INPP5B: variants seen among roughly 807,000 people sequenced by gnomAD.
INPP5B encodes type II inositol 1,4,5-trisphosphate 5-phosphatase.
INPP5B carries 90 observed loss-of-function variants against 118.5 expected under a neutral mutation model. The ratio of observed to expected loss-of-function variants is 0.76; its 90% CI spans 0.64 to 0.90. INPP5B has a LOEUF of 0.90. Among genes scored for constraint, INPP5B ranks in the 40% least tolerant of loss-of-function variants. The pLI is 0.00. For synonymous variants in INPP5B, 385 were observed against 418.9 expected (o/e 0.92, Z 0.99); for missense variants, 984 against 1,125.6 (o/e 0.87, Z 1.80).
intron 6 of INPP5B, among the ~76,000 whole-genome samples, chr1:37,940,323 GGTTCTAGCTGTGA>G (rs1420294620): frequency 6.6e-6 from 1 of 152,166 alleles, no homozygotes; most frequent in African/African-American, 2.4e-5. Context: ...TATGACAGAT[GGTTCTAGCTGTGA>G]GTTCTAGCTG....
intron 8 of INPP5B, among the ~76,000 whole-genome samples, chr1:37,890,172 C>T (rs533495876): frequency 2.0e-5 from 3 of 152,058 alleles, no homozygotes; most frequent in Non-Finnish European, 4.4e-5. Context: ...GCCAGGAGTT[C>T]GAGATCAGCC....
intron 7 of INPP5B, among the ~76,000 whole-genome samples, chr1:37,914,429 T>C (rs1644802198): frequency 6.6e-6 from 1 of 152,126 alleles, no homozygotes; most frequent in Non-Finnish European, 1.5e-5. Flanking sequence ...CCTCTGAGGA[T>C]TGCATGAAAA....
rs754674774 is a variant in INPP5B at position 37,866,400 on chromosome 1, TCTCTCTCA to T, written c.2386+51_2386+58del. 803 of 684,534 alleles carry T rather than the reference TCTCTCTCA, an allele frequency of 1.2e-3. 1 individual carries two copies. Among genetic ancestry groups the T allele is most frequent in the African/African-American group, 6.5e-3 (272 of 41,716 alleles). 42.4% of individuals were successfully genotyped at this position (684,534 alleles called of 1,614,324 possible). A position where few individuals can be genotyped will look rare whatever the true frequency, so the allele number is the denominator to read the frequency against. ...CTCACTCATATTCTCTCTCTCTCTC[TCTCTCTCA>T]CACACACACACACACACACACACAC... On this transcript the variant is annotated intron_variant, in intron 21 of 23. Coordinates refer to ENST00000373024, the MANE Select transcript of INPP5B (RefSeq NM_005540.3).
At chr1:37,941,264 T>C (rs1201640150) in intron 5 of INPP5B, among the ~76,000 whole-genome samples, 1 of 152,096 alleles carries the variant, frequency 6.6e-6, no homozygotes, top group East Asian at 1.9e-4. Flanking sequence ...TCCCTATTCA[T>C]AGCATATACC....
intron 20 of INPP5B, among the ~76,000 whole-genome samples, chr1:37,867,779 C>G (rs955914306): frequency 2.0e-5 from 3 of 152,098 alleles, no homozygotes; most frequent in African/African-American, 7.2e-5. Flanking sequence ...CCTAGTCACT[C>G]TAGAAATCAG....
chr1:37,897,570 T>C (rs867015671), intron 7 of INPP5B, among the ~76,000 whole-genome samples: 1 of 149,926 alleles, frequency 6.7e-6, no homozygotes, highest in Non-Finnish European at 1.5e-5. Context: ...CTCCCTAATC[T>C]CAAGTACCCA....
chr1:37,862,668 T>C (rs1641770172), intron 23 of INPP5B, among the ~76,000 whole-genome samples: 2 of 152,172 alleles, frequency 1.3e-5, no homozygotes, highest in African/African-American at 4.8e-5. Flanking sequence ...CTACAGGCAA[T>C]TGTAACACAG....
intron 5 of INPP5B, among the ~76,000 whole-genome samples, chr1:37,941,455 T>C (rs1164572029): frequency 2.0e-5 from 3 of 150,988 alleles, no homozygotes; most frequent in Non-Finnish European, 4.4e-5. Flanking sequence ...TGAGACCAGC[T>C]TGGAAAACAC....
chr1:37,872,270 T>C (rs1016351488), intron 19 of INPP5B, among the ~76,000 whole-genome samples: 1 of 147,166 alleles, frequency 6.8e-6, no homozygotes, highest in Non-Finnish European at 1.5e-5. Flanking sequence ...CTCAGGAGGC[T>C]GAGGCAGAAG....
chr1:37,872,624 G>A (rs999789874), intron 19 of INPP5B, among the ~76,000 whole-genome samples: 7 of 151,442 alleles, frequency 4.6e-5, no homozygotes, highest in African/African-American at 9.7e-5. Flanking sequence ...ATGTGAGAGA[G>A]GCCATCTGGA....
intron 7 of INPP5B, among the ~76,000 whole-genome samples, chr1:37,899,516 C>T (rs1457183444): frequency 1.3e-5 from 2 of 151,644 alleles, no homozygotes; most frequent in Admixed American, 6.6e-5. Context: ...GAGCCGAGAT[C>T]GCACCATTGC....
chr1:37,908,193 C>T (rs1053757814), intron 7 of INPP5B, among the ~76,000 whole-genome samples: 5 of 152,148 alleles, frequency 3.3e-5, no homozygotes, highest in East Asian at 1.9e-4. Context: ...CACAAGGATG[C>T]GTGTGACATT....
At chr1:37,883,448 G>T (rs1643330768) in intron 13 of INPP5B, 1 of 985,304 alleles carries the variant, frequency 1.0e-6, no homozygotes, top group African/African-American at 1.7e-5. Flanking sequence ...CTGTACTGCA[G>T]AGTGGAGTGT....
chr1:37,922,439 C>T lies in INPP5B; in HGVS notation c.532+9474G>A, dbSNP rs559666746. 4.9e-4 allele frequency among the ~76,000 whole-genome samples: 74 copies of T among 151,468 alleles called. 1 individual carries two copies. The highest frequency in any genetic ancestry group is 2.5e-3 in the Admixed American group (38 of 15,196). On this transcript the variant is annotated intron_variant, in intron 7 of 23. Transcript: ENST00000373024. ...TTCAAAAAATGAAATAAGCCAGGCGCGGTGGCTCACACCTGTAATCCCAGC... is the reference window on the plus strand; with the variant it reads ...TTCAAAAAATGAAATAAGCCAGGCGTGGTGGCTCACACCTGTAATCCCAGC...
intron 9 of INPP5B, 146 bp from the exon 10 acceptor site, chr1:37,888,490 C>T: frequency 2.1e-6 from 1 of 485,152 alleles, no homozygotes; most frequent in East Asian, 3.4e-5. Flanking sequence ...TAGACCAGGA[C>T]TGCAGCACCA....
intron 7 of INPP5B, among the ~76,000 whole-genome samples, chr1:37,897,324 G>A (rs1470971052): frequency 6.7e-6 from 1 of 148,530 alleles, no homozygotes; most frequent in South Asian, 2.2e-4. Flanking sequence ...TTGAGAAATC[G>A]GATGGTTGCC....
chr1:37,886,494 C>T (rs1417039470), intron 12 of INPP5B, among the ~76,000 whole-genome samples: 3 of 152,146 alleles, frequency 2.0e-5, no homozygotes, highest in African/African-American at 7.2e-5. Context: ...CCTTTGAAAA[C>T]ACAAAGCTAA....
intron 7 of INPP5B, among the ~76,000 whole-genome samples, chr1:37,926,474 G>A (rs1645234113): frequency 6.6e-6 from 1 of 152,008 alleles, no homozygotes; most frequent in South Asian, 2.1e-4. Flanking sequence ...AGTAGAGATG[G>A]GGTTTCACCA....
intron 7 of INPP5B, among the ~76,000 whole-genome samples, chr1:37,901,199 T>G (rs1644320040): frequency 6.6e-5 from 10 of 152,224 alleles, no homozygotes; most frequent in Admixed American, 2.0e-4. Flanking sequence ...GTCTTCTTTC[T>G]TCTGCTTCCT....
Sources: allele counts gnomAD v4.1 joint callset (sites outside exome capture counted in the v4.1 genomes callset), GRCh38; gene constraint gnomAD v4.1.1; transcripts MANE v1.5; gene names NCBI Gene and HGNC (gene_info 2026-07-23, HGNC 2026-07-21).